The following CASR variants were observed in gnomAD, a reference collection of about 807,000 sequenced individuals.
The protein encoded by CASR is extracellular calcium-sensing receptor.
CASR carries 23 observed loss-of-function variants against 69.1 expected under a neutral mutation model. That is an observed-to-expected ratio of 0.33 (90% confidence interval 0.24 to 0.47). CASR has a LOEUF of 0.47. Among genes scored for constraint, CASR ranks in the 20% least tolerant of loss-of-function variants. The probability of loss-of-function intolerance (pLI) is 1.00; values close to 1 mark genes in which losing one functional copy is unlikely to be tolerated. For synonymous variants in CASR, 541 were observed against 544.7 expected, an observed-to-expected ratio of 0.99 and a Z score of 0.10; for missense variants, 924 against 1,356.1, an observed-to-expected ratio of 0.68 and a Z score of 5.00.
rs1260650570 is a variant in CASR at position 122,284,606 on chromosome 3, T to C, written c.2652T>C (p.Ala884=). Residue 884 remains alanine, a synonymous_variant, in exon 7 of 7, where the codon GCT becomes GCC. Transcript: ENST00000639785. Reference sequence around the variant, plus strand: ...CCGCAGCTCACGCTTTCAAGGTGGCTGCCCGGGCCACGCTGCGCCGCAGCA... The same window carrying C: ...CCGCAGCTCACGCTTTCAAGGTGGCCGCCCGGGCCACGCTGCGCCGCAGCA... ...CSTAAHAFKV[A]ARATLRRSNV... is the part of the protein sequence containing the mutation. 2 of 1,614,162 alleles carry C rather than the reference T, an allele frequency of 1.2e-6. No individual in the cohort carries two copies. The highest frequency in any genetic ancestry group is 3.3e-5 in the Admixed American group (2 of 60,032).
intron 1 of CASR, among the ~76,000 whole-genome samples, chr3:122,237,212 C>T (rs559169902): frequency 1.5e-4 from 22 of 151,134 alleles, no homozygotes; most frequent in African/African-American, 3.2e-4. Context: ...CGGGTTCAAG[C>T]GATTCTTCTG....
chr3:122,208,161 C>G (rs2074027580), intron 1 of CASR, among the ~76,000 whole-genome samples: 1 of 152,034 alleles, frequency 6.6e-6, no homozygotes, highest in Non-Finnish European at 1.5e-5. Context: ...TTTCACTTAT[C>G]AATTATTAAT....
At chr3:122,217,011 GCTGA>G (rs1384498482) in intron 1 of CASR, among the ~76,000 whole-genome samples, 1 of 152,202 alleles carries the variant, frequency 6.6e-6, no homozygotes, top group Non-Finnish European at 1.5e-5. Context: ...TCCACGTGGA[GCTGA>G]CTGTCTAACA....
At chr3:122,253,290 G>A (rs1015449517) in intron 1 of CASR, among the ~76,000 whole-genome samples, 1 of 152,062 alleles carries the variant, frequency 6.6e-6, no homozygotes. Flanking sequence ...TGCCCAGTCT[G>A]GAGTGCAATG....
intron 1 of CASR, among the ~76,000 whole-genome samples, chr3:122,192,091 A>G (rs186657081): frequency 6.6e-6 from 1 of 152,348 alleles, no homozygotes; most frequent in Non-Finnish European, 1.5e-5. Context: ...CACAGTGAGA[A>G]TTTGAAACTG....
chr3:122,275,014 T>C (rs533933178), intron 4 of CASR, among the ~76,000 whole-genome samples: 2 of 152,340 alleles, frequency 1.3e-5, no homozygotes, highest in Middle Eastern at 6.8e-3. Context: ...CTGGACGAGA[T>C]ACTTAAAGTT....
At chr3:122,204,453 C>T (rs2073986903) in intron 1 of CASR, among the ~76,000 whole-genome samples, 1 of 151,940 alleles carries the variant, frequency 6.6e-6, no homozygotes, top group Admixed American at 6.6e-5. Flanking sequence ...GCGGACAGGC[C>T]CCATATTTTC....
chr3:122,256,042 A>T (rs1181102524), intron 2 of CASR, among the ~76,000 whole-genome samples: 1 of 152,194 alleles, frequency 6.6e-6, no homozygotes, highest in African/African-American at 2.4e-5. Flanking sequence ...AACTTGTTTG[A>T]TTTTTATTTA....
chr3:122,252,411 A>AAGAAAGAAAGAAAGAAAGAAAGAAAG lies in CASR; in HGVS notation c.-242-1535_-242-1510dup, dbSNP rs1559954265. Among the ~76,000 whole-genome samples the AAGAAAGAAAGAAAGAAAGAAAGAAAG allele has an allele frequency of 3.7e-4, 11 of 29,638 alleles. 1 individual carries two copies. The highest frequency in any genetic ancestry group is 1.5e-3 in the African/African-American group (11 of 7,528). 19.4% of individuals were successfully genotyped at this position (29,638 alleles called of 152,430 possible). ...GGAAGGAAGGAAGGAAGGAAGGAAA[A>AAGAAAGAAAGAAAGAAAGAAAGAAAG]AGAAAGAAAGAAAGAAAGAAAGAAA... On this transcript the variant is annotated intron_variant, in intron 1 of 6. Transcript: ENST00000639785.
At chr3:122,243,109 A>G (rs1048917255) in intron 1 of CASR, among the ~76,000 whole-genome samples, 10 of 152,122 alleles carry the variant, frequency 6.6e-5, no homozygotes, top group Non-Finnish European at 1.2e-4. Flanking sequence ...AGAACATTGT[A>G]GTGGGCAAAA....
intron 1 of CASR, among the ~76,000 whole-genome samples, chr3:122,252,368 AAGGAAGGAAGGAAG>A (rs2074495782): frequency 2.7e-5 from 1 of 37,594 alleles, no homozygotes; most frequent in African/African-American, 1.1e-4. Context: ...AGAAAGAAGG[AAGGAAGGAAGGAAG>A]GAAGGAAGGA....
rs2075008651 is a variant in CASR at position 122,291,063 on chromosome 3, C to A, written c.*5872C>A. Reference sequence around the variant, plus strand: ...GTCCCTACAAAGGACACGAACTCCTCATTTTTTATGGCTGCATAGTATTCC... The same window carrying A: ...GTCCCTACAAAGGACACGAACTCCTAATTTTTTATGGCTGCATAGTATTCC... On this transcript the variant is annotated 3_prime_UTR_variant, in exon 7 of 7. Coordinates refer to ENST00000639785, the MANE Select transcript of CASR (RefSeq NM_000388.4). 1 of 147,842 alleles carries A rather than the reference C, an allele frequency of 6.8e-6. No individual in the cohort carries two copies. Among genetic ancestry groups the A allele is most frequent in the Admixed American group, 6.8e-5 (1 of 14,694 alleles). The allele number at this position is 147,842 out of a possible 1,614,324, so 9.2% of individuals were successfully genotyped here.
intron 5 of CASR, among the ~76,000 whole-genome samples, chr3:122,277,691 C>T (rs1162997831): frequency 6.6e-6 from 1 of 152,176 alleles, no homozygotes; most frequent in Non-Finnish European, 1.5e-5. Context: ...ATCAGCTATA[C>T]TGCCACCTGT....
intron 1 of CASR, among the ~76,000 whole-genome samples, chr3:122,250,998 C>A (rs956620137): frequency 6.6e-6 from 1 of 152,068 alleles, no homozygotes; most frequent in Non-Finnish European, 1.5e-5. Context: ...AACATATGAC[C>A]AGGGTCCAAG....
intron 5 of CASR, 144 bp from the exon 6 acceptor site, chr3:122,281,969 T>A: frequency 8.9e-7 from 1 of 1,123,692 alleles, no homozygotes; most frequent in Non-Finnish European, 1.3e-6. Context: ...CCTCTGGACC[T>A]CCCTTTGCCT....
chr3:122,224,137 A>G (rs1487469358), intron 1 of CASR, among the ~76,000 whole-genome samples: 2 of 152,216 alleles, frequency 1.3e-5, no homozygotes, highest in African/African-American at 4.8e-5. Flanking sequence ...GGAACAAGAC[A>G]AGGATGTCCA....
intron 1 of CASR, among the ~76,000 whole-genome samples, chr3:122,249,675 AACAAAT>A (rs2107620182): frequency 6.6e-6 from 1 of 152,376 alleles, no homozygotes; most frequent in East Asian, 1.9e-4. Flanking sequence ...TGAGAGAAAG[AACAAAT>A]ACTAGCTTCA....
intron 1 of CASR, among the ~76,000 whole-genome samples, chr3:122,189,442 G>A: frequency 6.6e-6 from 1 of 152,186 alleles, no homozygotes; most frequent in African/African-American, 2.4e-5. Flanking sequence ...GATTTCTTGG[G>A]TTAAGTAACC....
chr3:122,266,093 G>C (rs899984162), intron 4 of CASR, among the ~76,000 whole-genome samples: 11 of 152,062 alleles, frequency 7.2e-5, no homozygotes, highest in African/African-American at 2.4e-4. Context: ...ATCTGTATAA[G>C]AGCTGGAAGT....
Sources: gnomAD v4.1 joint callset for allele counts (sites outside exome capture counted in the v4.1 genomes callset) on GRCh38, gnomAD v4.1.1 for gene constraint, MANE v1.5 for transcripts, NCBI Gene and HGNC (gene_info 2026-07-23, HGNC 2026-07-21) for gene names.